DIS3L2: variants seen among roughly 807,000 people sequenced by gnomAD.
DIS3L2 encodes the protein DIS3 like 3'-5' exoribonuclease 2.
DIS3L2 carries 34 observed loss-of-function variants against 97.5 expected under a neutral mutation model. The observed-to-expected ratio is 0.35, with a 90% CI of 0.27 to 0.46. The LOEUF (loss-of-function observed/expected upper bound fraction) is 0.46, where lower values mean the gene tolerates loss of function less well. Among genes scored for constraint, DIS3L2 ranks in the 20% least tolerant of loss-of-function variants. The probability of loss-of-function intolerance (pLI) is 1.00; values close to 1 mark genes in which losing one functional copy is unlikely to be tolerated. For synonymous variants in DIS3L2, 435 were observed against 445.2 expected, an observed-to-expected ratio of 0.98 and a Z score of 0.29; for missense variants, 1,038 against 1,146.0, an observed-to-expected ratio of 0.91 and a Z score of 1.36.
chr2:232,074,698 C>T (rs1445669931), intron 5 of DIS3L2, among the ~76,000 whole-genome samples: 2 of 151,738 alleles, frequency 1.3e-5, no homozygotes, highest in Non-Finnish European at 1.5e-5. Context: ...GATCCTTCCT[C>T]CTCAGCCTCC....
intron 9 of DIS3L2, among the ~76,000 whole-genome samples, chr2:232,164,213 A>G (rs920850486): frequency 1.3e-4 from 20 of 152,266 alleles, no homozygotes; most frequent in Non-Finnish European, 4.4e-5. Flanking sequence ...CTTCAGGCAC[A>G]GAGCAAAGGA....
chr2:232,231,393 T>C (rs535260488), intron 10 of DIS3L2, among the ~76,000 whole-genome samples: 1 of 152,332 alleles, frequency 6.6e-6, no homozygotes, highest in African/African-American at 2.4e-5. Flanking sequence ...AAGCTGGTGC[T>C]ACCCTAAAAG....
chr2:232,186,334 C>T (rs563673596), intron 9 of DIS3L2, among the ~76,000 whole-genome samples: 6 of 152,226 alleles, frequency 3.9e-5, no homozygotes, highest in Admixed American at 6.5e-5. Flanking sequence ...TCAAAGACTA[C>T]GAACTTTCAT....
At chr2:232,128,881 G>A (rs1244236042) in intron 6 of DIS3L2, among the ~76,000 whole-genome samples, 1 of 152,148 alleles carries the variant, frequency 6.6e-6, no homozygotes, top group African/African-American at 2.4e-5. Flanking sequence ...TCACCTGTAA[G>A]GCTTTAAACC....
intron 5 of DIS3L2, among the ~76,000 whole-genome samples, chr2:232,038,861 G>A (rs556017995): frequency 2.0e-5 from 3 of 152,222 alleles, no homozygotes; most frequent in East Asian, 1.9e-4. Flanking sequence ...TTTTAAAACT[G>A]AATACAACAA....
intron 6 of DIS3L2, among the ~76,000 whole-genome samples, chr2:232,124,466 T>A (rs1697998073): frequency 6.6e-6 from 1 of 152,136 alleles, no homozygotes; most frequent in Admixed American, 6.5e-5. Context: ...GTGGATAGAT[T>A]TAACAGCAGA....
chr2:232,288,658 T>G (rs1694514028), intron 13 of DIS3L2, among the ~76,000 whole-genome samples: 2 of 152,226 alleles, frequency 1.3e-5, no homozygotes, highest in African/African-American at 4.8e-5. Flanking sequence ...TTCTCTGCTG[T>G]TTTTTCAAGA....
intron 6 of DIS3L2, among the ~76,000 whole-genome samples, chr2:232,128,064 C>T (rs1299765333): frequency 6.6e-6 from 1 of 152,124 alleles, no homozygotes; most frequent in Non-Finnish European, 1.5e-5. Flanking sequence ...GATCCTCCCA[C>T]GTGAACCTCT....
At chr2:232,278,243 T>A (rs899136453) in intron 13 of DIS3L2, among the ~76,000 whole-genome samples, 12 of 152,292 alleles carry the variant, frequency 7.9e-5, no homozygotes, top group African/African-American at 2.9e-4. Flanking sequence ...CCATTTTATA[T>A]GGTATCACTA....
chr2:231,997,721 A>G (rs1693768631), intron 1 of DIS3L2, among the ~76,000 whole-genome samples: 1 of 152,228 alleles, frequency 6.6e-6, no homozygotes, highest in Non-Finnish European at 1.5e-5. Context: ...ATTACTTTGT[A>G]TTCTTTACAA....
At chr2:232,030,826 G>T (rs1423331058) in intron 5 of DIS3L2, among the ~76,000 whole-genome samples, 2 of 151,896 alleles carry the variant, frequency 1.3e-5, no homozygotes, top group African/African-American at 4.8e-5. Flanking sequence ...TTTATTTGAA[G>T]AATTTGGTGT....
At chr2:232,168,450 G>A (rs1290401917) in intron 9 of DIS3L2, among the ~76,000 whole-genome samples, 1 of 152,084 alleles carries the variant, frequency 6.6e-6, no homozygotes, top group Admixed American at 6.5e-5. Context: ...GAGTATTAGT[G>A]GTTTAGTATT....
chr2:232,087,607 G>C lies in DIS3L2; in HGVS notation c.487G>C (p.Asp163His), dbSNP rs1471633200. 1.9e-6 allele frequency: 3 copies of C among 1,613,948 alleles called. No individual in the cohort carries two copies. Among genetic ancestry groups the C allele is most frequent in the Non-Finnish European group, 2.5e-6 (3 of 1,179,946 alleles). Residue 163 changes from aspartate to histidine, a missense_variant, in exon 6 of 21, where the codon GAT (aspartate) becomes CAT (histidine). Around this residue, in one of 3 missense-constraint regions of DIS3L2, gnomAD observed 813 missense variants for 880.1 expected, o/e 0.92. Coordinates refer to ENST00000325385, the MANE Select transcript of DIS3L2 (RefSeq NM_152383.5). ...QSLKSYNDSP[D>H]VIVEAQFDGS... ...CCTGAAAAGCTATAATGACAGTCCT[G>C]ATGTCATTGTAGAGGCTCAGTTTGA...
intron 6 of DIS3L2, among the ~76,000 whole-genome samples, chr2:232,102,958 G>A (rs1316232141): frequency 1.3e-5 from 2 of 152,050 alleles, no homozygotes; most frequent in African/African-American, 4.8e-5. Context: ...CACACAAGGT[G>A]GTAGTAAAAT....
chr2:232,295,075 C>T (rs1450807775), intron 13 of DIS3L2, among the ~76,000 whole-genome samples: 1 of 152,134 alleles, frequency 6.6e-6, no homozygotes, highest in African/African-American at 2.4e-5. Flanking sequence ...CTTGGACCAA[C>T]CTAACTTTCT....
chr2:232,129,265 T>A (rs1419281710), intron 6 of DIS3L2, among the ~76,000 whole-genome samples: 1 of 152,216 alleles, frequency 6.6e-6, no homozygotes, highest in Non-Finnish European at 1.5e-5. Context: ...TACTTATTCA[T>A]GGTAATTCCA....
At chr2:232,329,787 C>CCGGGGGGGCG in intron 14 of DIS3L2, 26 bp from the exon 15 acceptor site, 13 of 1,062,210 alleles carry the variant, frequency 1.2e-5, no homozygotes, top group African/African-American at 1.6e-5. Context: ...CCCAGCGGTC[C>CCGGGGGGGCG]CTCCCATCCC....
At chr2:232,337,838 C>T (rs1254582559), downstream of DIS3L2, among the ~76,000 whole-genome samples, 2 of 151,610 alleles carry the variant, frequency 1.3e-5, no homozygotes, top group Admixed American at 1.3e-4. Flanking sequence ...CTTTGTCCTG[C>T]CACCGTCAGA....
At chr2:232,119,621 A>G (rs1310477881) in intron 6 of DIS3L2, among the ~76,000 whole-genome samples, 6 of 152,242 alleles carry the variant, frequency 3.9e-5, no homozygotes, top group Non-Finnish European at 2.9e-5. Flanking sequence ...CTCCTGGGCA[A>G]GAGAAAGATT....
Sources: allele counts gnomAD v4.1 joint callset (sites outside exome capture counted in the v4.1 genomes callset), GRCh38; gene constraint gnomAD v4.1.1; regional missense constraint gnomAD v4.1.1; transcripts MANE v1.5; gene names NCBI Gene and HGNC (gene_info 2026-07-23, HGNC 2026-07-21).